Variants in DAGLB observed in about 807,000 individuals in gnomAD.
The protein encoded by DAGLB is diacylglycerol lipase-beta.
In DAGLB, 66 loss-of-function variants were observed where a neutral mutation model predicts 72.1. That is an observed-to-expected ratio of 0.92 (90% CI 0.75 to 1.12). The LOEUF is 1.12. Ranked by LOEUF, DAGLB falls within the 50% of genes most tolerant of loss-of-function variation. The pLI is 0.00. For synonymous variants in DAGLB, 414 were observed against 359.5 expected, an observed-to-expected ratio of 1.15 and a Z score of -1.71; for missense variants, 1,065 against 884.9, an observed-to-expected ratio of 1.20 and a Z score of -2.58.
At chr7:6,419,497 C>A (rs1784037199) in intron 9 of DAGLB, among the ~76,000 whole-genome samples, 1 of 152,190 alleles carries the variant, frequency 6.6e-6, no homozygotes, top group Admixed American at 6.5e-5. Flanking sequence ...GCCCTTTCGG[C>A]CACACAGGTT....
rs1434241358 is a variant in DAGLB at position 6,434,687 on chromosome 7, AAC to A, written c.678+73_678+74del. The A allele has an allele frequency of 7.0e-5, 112 of 1,593,978 alleles. 1 individual carries two copies. Among genetic ancestry groups the A allele is most frequent in the Non-Finnish European group, 8.8e-5 (103 of 1,168,040 alleles). ...AGGTTCTCAAACGCGGTTTTATGGG[AAC>A]AGAGGGACCGGCTCCATCAGAAGCA... is the stretch of plus-strand genomic sequence containing the variant. On this transcript the variant is annotated intron_variant, in intron 4 of 14. Transcript: ENST00000297056.
chr7:6,425,898 A>T, intron 7 of DAGLB, 90 bp downstream of exon 7: 1 of 1,576,030 alleles, frequency 6.3e-7, no homozygotes, highest in Non-Finnish European at 8.6e-7. Context: ...TCTATGAATT[A>T]CGGGAAGAAT....
In DAGLB at chr7:6,436,406, G is replaced by C. The variant is rs201822562; in HGVS notation, c.375C>G (p.Cys125Trp). 3.1e-6 allele frequency: 5 copies of C among 1,613,812 alleles called. No individual in the cohort carries two copies. Among genetic ancestry groups the C allele is most frequent in the Admixed American group, 1.7e-5 (1 of 59,864 alleles). ...TGATGCCGTTTACAACTGTCCTGTC[G>C]CACTGAACACCATCTGCCACCCAGG... ...GAAWVADGVQ[C>W]DRTVVNGIIA... is the part of the protein sequence containing the mutation. The change falls in exon 3 of 15, where the codon TGC (cysteine) becomes TGG (tryptophan). Residue 125 changes from cysteine to tryptophan, a missense_variant. By Grantham distance (215) the Cys-to-Trp change is radical (BLOSUM62 -2). Coordinates refer to ENST00000297056, the MANE Select transcript of DAGLB (RefSeq NM_139179.4).
At chr7:6,433,861 A>T (rs1784569139) in intron 4 of DAGLB, among the ~76,000 whole-genome samples, 1 of 152,234 alleles carries the variant, frequency 6.6e-6, no homozygotes, top group African/African-American at 2.4e-5. Flanking sequence ...CAAAAAAAAA[A>T]AAAAAAAGAC....
chr7:6,414,424 T>C (rs959233494), intron 11 of DAGLB, among the ~76,000 whole-genome samples: 2 of 151,908 alleles, frequency 1.3e-5, no homozygotes, highest in Admixed American at 1.3e-4. Flanking sequence ...GCAATCCTAC[T>C]GCCTCAGCCT....
At chr7:6,434,338 A>G (rs1784585214) in intron 4 of DAGLB, among the ~76,000 whole-genome samples, 1 of 152,180 alleles carries the variant, frequency 6.6e-6, no homozygotes, top group Admixed American at 6.6e-5. Flanking sequence ...TTCCAAAAGT[A>G]GCATCGTCGA....
At chr7:6,443,496 C>G (rs974045107) in intron 2 of DAGLB, among the ~76,000 whole-genome samples, 3 of 152,112 alleles carry the variant, frequency 2.0e-5, no homozygotes, top group African/African-American at 7.2e-5. Flanking sequence ...GCTCTGTTTT[C>G]TATGTTACTG....
At chr7:6,440,953 TTTTC>T (rs975021252) in intron 2 of DAGLB, among the ~76,000 whole-genome samples, 8 of 152,050 alleles carry the variant, frequency 5.3e-5, no homozygotes, top group East Asian at 1.9e-4. Flanking sequence ...ACCATTGGTT[TTTTC>T]TTTGTTTTTT....
chr7:6,439,259 A>T (rs1784754339), intron 2 of DAGLB, among the ~76,000 whole-genome samples: 1 of 141,902 alleles, frequency 7.0e-6, no homozygotes, highest in African/African-American at 2.5e-5. Flanking sequence ...TATCTCAAAA[A>T]GAAAAAAAAA....
chr7:6,426,779 T>G (rs62454705), intron 6 of DAGLB, among the ~76,000 whole-genome samples: 2 of 152,160 alleles, frequency 1.3e-5, no homozygotes, highest in African/African-American at 4.8e-5. Context: ...CAAGAAATCA[T>G]AGAAGTAACT....
chr7:6,414,987 A>G (rs946158840), intron 11 of DAGLB, among the ~76,000 whole-genome samples: 8 of 151,964 alleles, frequency 5.3e-5, no homozygotes, highest in African/African-American at 1.9e-4. Flanking sequence ...TGGGCAACAT[A>G]GCAAGACCCT....
chr7:6,427,720 G>C (rs1481182144), intron 6 of DAGLB, among the ~76,000 whole-genome samples: 1 of 152,104 alleles, frequency 6.6e-6, no homozygotes, highest in Non-Finnish European at 1.5e-5. Flanking sequence ...GAGGTTGAGG[G>C]TATGGTGTTA....
chr7:6,425,914 A>T (rs993497328), intron 7 of DAGLB, 74 bp downstream of exon 7: 1 of 1,593,210 alleles, frequency 6.3e-7, no homozygotes, highest in Non-Finnish European at 8.6e-7. Flanking sequence ...AGAATAATTC[A>T]TAACTTCCAT....
At chr7:6,441,657 T>G (rs1165385948) in intron 2 of DAGLB, among the ~76,000 whole-genome samples, 2 of 151,674 alleles carry the variant, frequency 1.3e-5, no homozygotes, top group African/African-American at 2.4e-5. Flanking sequence ...GACCTCATGA[T>G]GCACCCGCCT....
rs773313732 is a variant in DAGLB at position 6,421,791 on chromosome 7, T to C, written c.1154A>G (p.Asp385Gly). Residue 385 changes from aspartate to glycine, a missense_variant, in exon 9 of 15, where the codon GAC (aspartate) becomes GGC (glycine). Transcript: ENST00000297056. ...CAGCACCTCACTCTCCGCTGACAGG[T>C]CCGTAAGGACATCCTGTAAAAAGGG... Reference protein sequence around the residue: ...GTMSLQDVLTDLSAESEVLDV... With the variant: ...GTMSLQDVLTGLSAESEVLDV... The C allele has an allele frequency of 3.1e-6, 5 of 1,613,044 alleles. No individual in the cohort carries two copies. The highest frequency in any genetic ancestry group is 2.5e-6 in the Non-Finnish European group (3 of 1,179,562).
intron 6 of DAGLB, among the ~76,000 whole-genome samples, chr7:6,428,771 G>C (rs960608686): frequency 6.6e-6 from 1 of 152,110 alleles, no homozygotes; most frequent in African/African-American, 2.4e-5. Context: ...ATAGGCATGA[G>C]CCACTGCACC....
At position 6,447,121 on chromosome 7, in the gene DAGLB, G is replaced by A. The variant is rs575638083; in HGVS notation, c.95+627C>T. On this transcript the variant is annotated intron_variant, in intron 1 of 14. Coordinates refer to ENST00000297056, the MANE Select transcript of DAGLB (RefSeq NM_139179.4). ...CTCAATGTGCTGAGATAACAGGCGTGAGCCATGGCGCCCAGCCAAGAATCT... is the reference window on the plus strand; with the variant it reads ...CTCAATGTGCTGAGATAACAGGCGTAAGCCATGGCGCCCAGCCAAGAATCT... Among the ~76,000 whole-genome samples the A allele has an allele frequency of 2.0e-5, 3 of 152,308 alleles. No individual in the cohort carries two copies. The East Asian group carries it at 5.8e-4, about 29-fold the overall frequency.
At chr7:6,412,715 G>T in intron 13 of DAGLB, 96 bp downstream of exon 13, 1 of 1,346,250 alleles carries the variant, frequency 7.4e-7, no homozygotes, top group Non-Finnish European at 1.0e-6. Flanking sequence ...AGCATAGAGT[G>T]CCCTGCACTG....
At chr7:6,432,271 G>A (rs997077342) in intron 5 of DAGLB, among the ~76,000 whole-genome samples, 4 of 151,930 alleles carry the variant, frequency 2.6e-5, no homozygotes, top group African/African-American at 4.8e-5. Flanking sequence ...AGAATCACCC[G>A]GGAGGTGGAA....
Sources: allele counts gnomAD v4.1 joint callset (sites outside exome capture counted in the v4.1 genomes callset), GRCh38; gene constraint gnomAD v4.1.1; transcripts MANE v1.5; gene names NCBI Gene and HGNC (gene_info 2026-07-23, HGNC 2026-07-21).